PDE1C: variants seen among roughly 807,000 people sequenced by gnomAD.
PDE1C encodes phosphodiesterase 1C, also known as dual specificity calcium/calmodulin-dependent 3',5'-cyclic nucleotide phosphodiesterase 1C.
In PDE1C, 62 loss-of-function variants were observed where a neutral mutation model predicts 93.1. The observed-to-expected ratio is 0.67, with a 90% CI of 0.54 to 0.82. The LOEUF (loss-of-function observed/expected upper bound fraction) is 0.82. PDE1C is among the 40% of genes least tolerant of loss of function. The pLI is 0.00. For synonymous variants in PDE1C, 325 were observed against 310.1 expected (o/e 1.05, Z -0.50); for missense variants, 742 against 884.6 (o/e 0.84, Z 2.04).
intron 2 of PDE1C, among the ~76,000 whole-genome samples, chr7:32,171,170 C>A (rs999609964): frequency 6.6e-6 from 1 of 152,182 alleles, no homozygotes; most frequent in Non-Finnish European, 1.5e-5. Context: ...TTTACAATGG[C>A]ATTTGTCTCC....
At chr7:31,882,547 C>T (rs977654214) in intron 2 of PDE1C, among the ~76,000 whole-genome samples, 1 of 152,108 alleles carries the variant, frequency 6.6e-6, no homozygotes, top group Non-Finnish European at 1.5e-5. Flanking sequence ...GCTGTTTGGA[C>T]TCCCAAACGA....
At chr7:32,275,888 A>C (rs1811251961) in intron 1 of PDE1C, among the ~76,000 whole-genome samples, 1 of 152,248 alleles carries the variant, frequency 6.6e-6, no homozygotes, top group Non-Finnish European at 1.5e-5. Flanking sequence ...AAACATCCAG[A>C]AAATTCATTA....
intron 2 of PDE1C, among the ~76,000 whole-genome samples, chr7:31,998,221 A>G (rs539522873): frequency 2.8e-3 from 428 of 152,046 alleles, no homozygotes; most frequent in Middle Eastern, 3.4e-3. Context: ...GGGTTTCACC[A>G]TGTTAGCCAG....
the PDE1C span, among the ~76,000 whole-genome samples, chr7:31,654,125 A>G: frequency 6.6e-6 from 1 of 152,078 alleles, no homozygotes; most frequent in Non-Finnish European, 1.5e-5. Context: ...ACAGTGTGAT[A>G]ATGTTGCAAA....
chr7:31,999,272 G>A (rs1785151324), intron 2 of PDE1C, among the ~76,000 whole-genome samples: 2 of 152,072 alleles, frequency 1.3e-5, no homozygotes, highest in Admixed American at 1.3e-4. Flanking sequence ...GGAAGTAAAG[G>A]GCTTAGAATC....
chr7:31,720,864 C>T, the PDE1C span, among the ~76,000 whole-genome samples: 4 of 152,110 alleles, frequency 2.6e-5, no homozygotes, highest in East Asian at 1.9e-4. Flanking sequence ...CCTCAGATGC[C>T]GTGGAGTTAC....
chr7:32,119,707 CT>C (rs1015868867), intron 3 of PDE1C, among the ~76,000 whole-genome samples: 22 of 152,124 alleles, frequency 1.4e-4, no homozygotes, highest in African/African-American at 5.3e-4. Context: ...CCCCCACCCC[CT>C]AGCCAAGGCC....
At chr7:32,374,216 A>G (rs691714) in intron 1 of PDE1C, among the ~76,000 whole-genome samples, 124,435 of 137,726 alleles carry the variant, frequency 0.9, 57,017 homozygotes, top group East Asian at 1. Flanking sequence ...GAGGGAAAGA[A>G]AGGGAAAGAA....
At chr7:32,413,333 A>C (rs1785211854) in intron 1 of PDE1C, among the ~76,000 whole-genome samples, 1 of 152,238 alleles carries the variant, frequency 6.6e-6, no homozygotes, top group Non-Finnish European at 1.5e-5. Context: ...AGGAGTGTTT[A>C]CTATAAAATT....
intron 16 of PDE1C, among the ~76,000 whole-genome samples, chr7:31,780,830 T>C (rs1044249842): frequency 2.0e-5 from 3 of 151,678 alleles, no homozygotes; most frequent in African/African-American, 7.3e-5. Flanking sequence ...TGTGTGTGTG[T>C]GTGTGTGTGT....
intron 1 of PDE1C, among the ~76,000 whole-genome samples, chr7:32,319,223 G>A (rs922167183): frequency 6.6e-6 from 1 of 152,228 alleles, no homozygotes; most frequent in Admixed American, 6.5e-5. Context: ...CTTGGAGACC[G>A]TTTTCGGACA....
At chr7:32,329,982 C>A (rs1220935986) in intron 1 of PDE1C, among the ~76,000 whole-genome samples, 1 of 152,222 alleles carries the variant, frequency 6.6e-6, no homozygotes, top group Non-Finnish European at 1.5e-5. Flanking sequence ...AGGAGCCTGG[C>A]AATATTACAG....
intron 6 of PDE1C, among the ~76,000 whole-genome samples, chr7:31,870,683 G>T (rs1795837394): frequency 6.6e-6 from 1 of 151,904 alleles, no homozygotes; most frequent in African/African-American, 2.4e-5. Flanking sequence ...TTCAAAGAAG[G>T]ACTAACATCA....
rs551530822 is a variant in PDE1C at position 31,928,298 on chromosome 7, C to T, written c.129-47438G>A. On this transcript the variant is annotated intron_variant, in intron 2 of 17. Transcript: ENST00000396191. ...AGAAATATGGGACTATGTGAAAAGA[C>T]CAAAGCTATGATTGTACCTGAAAGT... Among the ~76,000 whole-genome samples, 5 of 151,848 alleles carry T rather than the reference C, an allele frequency of 3.3e-5. No individual in the cohort carries two copies. In the South Asian group the frequency reaches 1.0e-3, roughly 32 times the overall value.
chr7:31,731,754 C>A, the PDE1C span, among the ~76,000 whole-genome samples: 5 of 146,108 alleles, frequency 3.4e-5, no homozygotes, highest in Admixed American at 7.0e-5. Flanking sequence ...GCACCCGGGT[C>A]TGGTGCCAAC....
chr7:31,618,137 A>C, the PDE1C span, among the ~76,000 whole-genome samples: 1 of 152,190 alleles, frequency 6.6e-6, no homozygotes, highest in Non-Finnish European at 1.5e-5. Flanking sequence ...TGATAGGAGC[A>C]AGGACTATGA....
chr7:32,173,614 G>A (rs995932628), intron 2 of PDE1C, among the ~76,000 whole-genome samples: 1 of 152,000 alleles, frequency 6.6e-6, no homozygotes, highest in Non-Finnish European at 1.5e-5. Context: ...TTCACACAAA[G>A]CCTCCTTATG....
At chr7:31,778,624 A>G (rs1783178534) in intron 16 of PDE1C, among the ~76,000 whole-genome samples, 1 of 152,192 alleles carries the variant, frequency 6.6e-6, no homozygotes, top group Non-Finnish European at 1.5e-5. Flanking sequence ...TAGGTTGCAG[A>G]CAGGGCTTCA....
At chr7:31,830,186 T>C (rs551133369) in intron 11 of PDE1C, among the ~76,000 whole-genome samples, 1 of 151,650 alleles carries the variant, frequency 6.6e-6, no homozygotes, top group South Asian at 2.1e-4. Context: ...GGAAAGCAGA[T>C]ATACTTACGA....
Sources: gnomAD v4.1 joint callset for allele counts (sites outside exome capture counted in the v4.1 genomes callset) on GRCh38, gnomAD v4.1.1 for gene constraint, MANE v1.5 for transcripts, NCBI Gene and HGNC (gene_info 2026-07-23, HGNC 2026-07-21) for gene names.